Variants in RGL3 observed in about 807,000 individuals in gnomAD.
RGL3 encodes the protein ral guanine nucleotide dissociation stimulator like 3.
RGL3 carries 85 observed loss-of-function variants against 90.6 expected under a neutral mutation model. The ratio of observed to expected loss-of-function variants is 0.94; its 90% CI spans 0.79 to 1.12. The LOEUF is 1.12. Among genes scored for constraint, RGL3 ranks in the 50% most tolerant of loss-of-function variants. The pLI, the probability that RGL3 is intolerant of heterozygous loss-of-function variation, is 0.00. For missense variants in RGL3, 1,034 were observed against 939.2 expected (o/e 1.10, Z -1.32); for synonymous variants, 408 against 385.5 (o/e 1.06, Z -0.68).
rs1568341993 is a variant in RGL3 at position 11,414,503 on chromosome 19, A to ATATATATATATATACC, written c.637+1433_637+1434insGGTATATATATATATA. Among the ~76,000 whole-genome samples, 13 of 78,892 alleles carry ATATATATATATATACC rather than the reference A, an allele frequency of 1.6e-4. 1 individual carries two copies. Among genetic ancestry groups the ATATATATATATATACC allele is most frequent in the African/African-American group, 5.6e-4 (11 of 19,752 alleles). The allele number at this position is 78,892 out of a possible 152,430, so 51.8% of individuals were successfully genotyped here. A position where few individuals can be genotyped will look rare whatever the true frequency, so the allele number is the denominator to read the frequency against. The stretch of plus-strand genomic sequence containing the variant: ...TATATACACCTTCATATATATATAT[A>ATATATATATATATACC]TATATATATATATATATATATATAT... On this transcript the variant is annotated intron_variant, in intron 5 of 18. Coordinates refer to ENST00000380456, the MANE Select transcript of RGL3 (RefSeq NM_001035223.4).
Position 11,394,209 on chromosome 19 carries a change from G to A in RGL3, c.*193C>T, listed in dbSNP as rs767960164. 8.1e-5 allele frequency: 47 copies of A among 582,854 alleles called. No individual in the cohort carries two copies. The highest frequency in any genetic ancestry group is 1.4e-4 in the Non-Finnish European group (45 of 320,096). The allele number at this position is 582,854 out of a possible 1,614,324, so 36.1% of individuals were successfully genotyped here. A position where few individuals can be genotyped will look rare whatever the true frequency, so the allele number is the denominator to read the frequency against. On this transcript the variant is annotated 3_prime_UTR_variant, in exon 19 of 19. Coordinates refer to ENST00000380456, the MANE Select transcript of RGL3 (RefSeq NM_001035223.4). ...ATTGAGCTCTCCACCAGCCACCCATGGGCTGATGTCTTTGGAATATGGATC... is the reference window on the plus strand; with the variant it reads ...ATTGAGCTCTCCACCAGCCACCCATAGGCTGATGTCTTTGGAATATGGATC...
Position 11,402,144 on chromosome 19 carries a change from GC to G in RGL3, c.1363-13del. ...AGGATCTCCCACTCCTGGAGGACGA[GC>G]CTCTAAGACCCTACCCCTGCCCCAC... On this transcript the variant is annotated splice_polypyrimidine_tract_variant and intron_variant, in intron 12 of 18. Coordinates refer to ENST00000380456, the MANE Select transcript of RGL3 (RefSeq NM_001035223.4). The G allele has an allele frequency of 1.2e-6, 2 of 1,611,322 alleles. No individual in the cohort carries two copies. Among genetic ancestry groups the G allele is most frequent in the Non-Finnish European group, 1.7e-6 (2 of 1,178,880 alleles).
intron 16 of RGL3, among the ~76,000 whole-genome samples, chr19:11,399,133 T>G (rs1017547564): frequency 6.6e-6 from 1 of 151,928 alleles, no homozygotes; most frequent in Non-Finnish European, 1.5e-5. Flanking sequence ...AGAAATAGGG[T>G]CTCACTATGT....
In RGL3 at chr19:11,399,899, C is replaced by G. The variant is rs746008565; in HGVS notation, c.1702G>C (p.Gly568Arg). ...SSPRSRDAPA[G>R]SPPASPGPQG... The stretch of plus-strand genomic sequence containing the variant: ...GGCCCTGGAGAGGCCGGGGGACTGC[C>G]AGCAGGAGCATCTCTGCTTCTAGGA... The change falls in exon 16 of 19, where the codon GGC becomes CGC. Residue 568 changes from glycine to arginine, a missense_variant. Coordinates refer to ENST00000380456, the MANE Select transcript of RGL3 (RefSeq NM_001035223.4). 8.5e-6 allele frequency: 13 copies of G among 1,522,942 alleles called. No homozygotes were observed. In the African/African-American group the frequency reaches 1.3e-4, roughly 15 times the overall value. The allele number at this position is 1,522,942 out of a possible 1,614,324, so 94.3% of individuals were successfully genotyped here.
At position 11,394,534 on chromosome 19, in the gene RGL3, G is replaced by C; in HGVS notation, c.2015-14C>G. 1 of 1,596,432 alleles carries C rather than the reference G, an allele frequency of 6.3e-7. No individual in the cohort carries two copies. Among genetic ancestry groups the C allele is most frequent in the East Asian group, 2.2e-5 (1 of 44,774 alleles). On this transcript the variant is annotated splice_polypyrimidine_tract_variant and intron_variant, in intron 18 of 18. Transcript: ENST00000380456. ...GAATCAGGAGCACTGGTCAGGAGTG[G>C]AGATGGTGGTAATAGGCCCTCACAA...
chr19:11,397,679 C>T (rs1274104632), intron 16 of RGL3, 82 bp from the exon 17 acceptor site: 1 of 1,326,048 alleles, frequency 7.5e-7, no homozygotes, highest in Non-Finnish European at 1.0e-6. Flanking sequence ...ACCCCAGCCA[C>T]CACTGGTGCA....
chr19:11,419,289 C>G lies in RGL3; in HGVS notation c.-11G>C, dbSNP rs746751864. ...TGCTGTGCGCTCCATGGCCGGCGCC[C>G]GTCCCTCTCAGTGGCGCCGCTGAGT... is the stretch of plus-strand genomic sequence containing the variant. On this transcript the variant is annotated 5_prime_UTR_variant, in exon 1 of 19. Coordinates refer to ENST00000380456, the MANE Select transcript of RGL3 (RefSeq NM_001035223.4). 4.4e-5 allele frequency: 67 copies of G among 1,540,022 alleles called. No homozygotes were observed. Among genetic ancestry groups the G allele is most frequent in the Non-Finnish European group, 5.4e-5 (62 of 1,141,464 alleles).
At chr19:11,404,590 C>G (rs958372605) in intron 9 of RGL3, among the ~76,000 whole-genome samples, 1 of 151,990 alleles carries the variant, frequency 6.6e-6, no homozygotes, top group Non-Finnish European at 1.5e-5. Context: ...CAACAAAAAA[C>G]CAGATGTGTG....
chr19:11,400,900 T>A (rs142172062), intron 13 of RGL3, among the ~76,000 whole-genome samples: 137 of 139,406 alleles, frequency 9.8e-4, no homozygotes, highest in Non-Finnish European at 1.6e-3. Context: ...AATAAATAAA[T>A]AAAATAAAGT....
chr19:11,403,295 A>G (rs1968713112), intron 9 of RGL3, among the ~76,000 whole-genome samples: 1 of 149,094 alleles, frequency 6.7e-6, no homozygotes, highest in African/African-American at 2.4e-5. Context: ...TGGGCCTCCC[A>G]AAGTGCTGGG....
At chr19:11,395,895 G>A (rs1339338964) in intron 18 of RGL3, among the ~76,000 whole-genome samples, 1 of 149,580 alleles carries the variant, frequency 6.7e-6, no homozygotes, top group East Asian at 2.0e-4. Context: ...CCAAAGTGCT[G>A]GGATTACAGG....
At chr19:11,401,990 G>A (rs756564155) in intron 13 of RGL3, 21 bp downstream of exon 13, 1 of 1,518,042 alleles carries the variant, frequency 6.6e-7, no homozygotes, top group Non-Finnish European at 8.8e-7. Flanking sequence ...GTGGGGCTGG[G>A]ACAGGCTACA....
At chr19:11,408,235 G>T (rs1968814840) in intron 5 of RGL3, among the ~76,000 whole-genome samples, 1 of 152,238 alleles carries the variant, frequency 6.6e-6, no homozygotes, top group Non-Finnish European at 1.5e-5. Flanking sequence ...AAAGTTTTGG[G>T]ATTGCGGGTG....
At chr19:11,413,095 A>G (rs1246427014) in intron 5 of RGL3, among the ~76,000 whole-genome samples, 1 of 152,130 alleles carries the variant, frequency 6.6e-6, no homozygotes, top group Non-Finnish European at 1.5e-5. Flanking sequence ...CTAGGGCAGC[A>G]CTTTCCATAT....
chr19:11,400,739 C>T (rs1968660859), intron 13 of RGL3, among the ~76,000 whole-genome samples: 2 of 151,738 alleles, frequency 1.3e-5, no homozygotes, highest in Admixed American at 1.3e-4. Context: ...CCTGTAATTG[C>T]GGCTACCGGG....
At chr19:11,419,222 T>C in intron 1 of RGL3, 24 bp downstream of exon 1, 1 of 1,585,050 alleles carries the variant, frequency 6.3e-7, no homozygotes, top group Non-Finnish European at 8.6e-7. Flanking sequence ...GGATGCGGGG[T>C]CCGGGGATCC....
Position 11,397,532 on chromosome 19 carries a change from G to A in RGL3, c.1812C>T (p.Ile604=). The A allele has an allele frequency of 6.2e-7, 1 of 1,612,528 alleles. No individual in the cohort carries two copies. Among genetic ancestry groups the A allele is most frequent in the Middle Eastern group, 1.7e-4 (1 of 6,034 alleles). The change falls in exon 17 of 19, where the codon ATC becomes ATT. Residue 604 remains isoleucine, a synonymous_variant. Coordinates refer to ENST00000380456, the MANE Select transcript of RGL3 (RefSeq NM_001035223.4). ...PFALPLGSPR[I]PLPAQQSSEA... is the part of the protein sequence containing the mutation. ...CCGAGCTCTGCTGCGCCGGGAGGGG[G>A]ATTCGAGGGCTGCCCAGAGGCAAAG...
At position 11,396,490 on chromosome 19, in the gene RGL3, T is replaced by G. The variant is rs913546070; in HGVS notation, c.2014+754A>C. Among the ~76,000 whole-genome samples the G allele has an allele frequency of 6.0e-5, 9 of 150,986 alleles. No homozygotes were observed. In the East Asian group the frequency reaches 1.6e-3, roughly 26 times the overall value. ...CCAGCCAATTTCTCTATTTTTTGTA[T>G]AGATGGGGTCTCCTCATGTTGCCCA... is the stretch of plus-strand genomic sequence containing the variant. On this transcript the variant is annotated intron_variant, in intron 18 of 18. Coordinates refer to ENST00000380456, the MANE Select transcript of RGL3 (RefSeq NM_001035223.4).
At chr19:11,412,590 C>G (rs930796346) in intron 5 of RGL3, among the ~76,000 whole-genome samples, 4 of 152,054 alleles carry the variant, frequency 2.6e-5, no homozygotes, top group Non-Finnish European at 5.9e-5. Flanking sequence ...GTCTTAGCTA[C>G]TCAGGAGGCT....
Sources: allele counts gnomAD v4.1 joint callset (sites outside exome capture counted in the v4.1 genomes callset), GRCh38; gene constraint gnomAD v4.1.1; transcripts MANE v1.5; gene names NCBI Gene and HGNC (gene_info 2026-07-23, HGNC 2026-07-21).